ADH4: variants seen among roughly 807,000 people sequenced by gnomAD.
ADH4 encodes the protein alcohol dehydrogenase 4 (class II), pi polypeptide.
A neutral mutation model predicts 35.2 loss-of-function variants in ADH4; 31 were observed. The observed-to-expected ratio is 0.88, with a 90% confidence interval of 0.66 to 1.19. ADH4 has a LOEUF of 1.19. Ranked by LOEUF, ADH4 falls within the 50% of genes most tolerant of loss-of-function variation. The pLI is 0.00. For synonymous variants in ADH4, 171 were observed against 160.2 expected (o/e 1.07, Z -0.51); for missense variants, 476 against 458.3 (o/e 1.04, Z -0.35).
At position 99,130,050 on chromosome 4, in the gene ADH4, T is replaced by A. The variant is rs543609531; in HGVS notation, c.843+1454A>T. Among the ~76,000 whole-genome samples, 4 of 152,294 alleles carry A rather than the reference T, an allele frequency of 2.6e-5. No individual in the cohort carries two copies. In the East Asian group the frequency reaches 7.7e-4, roughly 29 times the overall value. ...ACATTTTACATTTTATCAAAATAATTCCCATGTTGTCTACATTAGGTTTTT... is the reference window on the plus strand; with the variant it reads ...ACATTTTACATTTTATCAAAATAATACCCATGTTGTCTACATTAGGTTTTT... On this transcript the variant is annotated intron_variant, in intron 6 of 8. Transcript: ENST00000265512.
At chr4:99,136,406 C>A (rs1729431959) in intron 5 of ADH4, 60 bp downstream of exon 5, 7 of 1,384,476 alleles carry the variant, frequency 5.1e-6, no homozygotes, top group Non-Finnish European at 6.1e-6. Flanking sequence ...TCTAGTTCAT[C>A]TGTATCACAC....
At chr4:99,131,124 T>C (rs1304994558) in intron 6 of ADH4, among the ~76,000 whole-genome samples, 1 of 152,080 alleles carries the variant, frequency 6.6e-6, no homozygotes, top group African/African-American at 2.4e-5. Context: ...ACCCCTAAAA[T>C]TGTCTCCAAG....
At chr4:99,131,443 C>G (rs567591635) in intron 6 of ADH4, 61 bp downstream of exon 6, 8 of 1,541,546 alleles carry the variant, frequency 5.2e-6, no homozygotes, top group Non-Finnish European at 7.1e-6. Context: ...TCCACTTTCC[C>G]CTATTATTTG....
intron 1 of ADH4, 117 bp from the exon 2 acceptor site, chr4:99,142,897 G>A (rs1209884490): frequency 1.5e-6 from 1 of 645,424 alleles, no homozygotes; most frequent in African/African-American, 1.8e-5. Flanking sequence ...GTAATTTCAT[G>A]ACAAAGAGTT....
chr4:99,126,130 C>T (rs1461461108), intron 8 of ADH4, among the ~76,000 whole-genome samples: 1 of 152,140 alleles, frequency 6.6e-6, no homozygotes, highest in Non-Finnish European at 1.5e-5. Context: ...CATGACAAAG[C>T]AAGAGAATGA....
chr4:99,132,612 A>AGTC (rs1248998388), intron 5 of ADH4, among the ~76,000 whole-genome samples: 1 of 152,186 alleles, frequency 6.6e-6, no homozygotes, highest in Non-Finnish European at 1.5e-5. Context: ...CTGTATATTG[A>AGTC]GTCTTTAATA....
intron 1 of ADH4, chr4:99,143,357 G>A: frequency 5.3e-6 from 3 of 564,810 alleles, no homozygotes; most frequent in Non-Finnish European, 6.4e-6. Flanking sequence ...GAGAAATGAG[G>A]CTTACATCAT....
intron 6 of ADH4, among the ~76,000 whole-genome samples, chr4:99,127,787 A>C (rs959178770): frequency 3.2e-4 from 48 of 151,638 alleles, no homozygotes; most frequent in Non-Finnish European, 5.9e-4. Context: ...AGCCGAGACC[A>C]CACCACTGCA....
chr4:99,138,848 G>A (rs1302543257), intron 4 of ADH4, among the ~76,000 whole-genome samples: 1 of 152,116 alleles, frequency 6.6e-6, no homozygotes, highest in Non-Finnish European at 1.5e-5. Flanking sequence ...CATTTGTGCT[G>A]TTTTAAATTG....
intron 4 of ADH4, among the ~76,000 whole-genome samples, chr4:99,138,221 T>C (rs1194189698): frequency 1.3e-5 from 2 of 152,216 alleles, no homozygotes; most frequent in Non-Finnish European, 2.9e-5. Flanking sequence ...AAATCCATTA[T>C]TTCATTAAAG....
chr4:99,135,293 G>A (rs896082182), intron 5 of ADH4, among the ~76,000 whole-genome samples: 2 of 152,048 alleles, frequency 1.3e-5, no homozygotes, highest in African/African-American at 4.8e-5. Flanking sequence ...GCCAGGCATC[G>A]TGGTGCATGC....
intron 1 of ADH4, chr4:99,143,102 T>G (rs773338771): frequency 2.9e-6 from 2 of 699,878 alleles, no homozygotes; most frequent in South Asian, 3.0e-5. Context: ...TTATGGAGTT[T>G]GAATAAGGTA....
intron 6 of ADH4, among the ~76,000 whole-genome samples, chr4:99,130,518 A>G (rs1284842536): frequency 6.6e-6 from 1 of 152,212 alleles, no homozygotes; most frequent in Admixed American, 6.6e-5. Flanking sequence ...TCCTAGCTAT[A>G]GAAACTTTTG....
At chr4:99,141,799 A>G in intron 2 of ADH4, 117 bp from the exon 3 acceptor site, 2 of 923,540 alleles carry the variant, frequency 2.2e-6, no homozygotes, top group South Asian at 3.4e-5. Context: ...CTAGAACTCA[A>G]TAAAAGAATC....
chr4:99,135,785 G>A (rs572203124), intron 5 of ADH4, among the ~76,000 whole-genome samples: 7 of 152,284 alleles, frequency 4.6e-5, no homozygotes, highest in South Asian at 4.1e-4. Context: ...TGCATTTTGC[G>A]GTTTTGAGTC....
intron 5 of ADH4, among the ~76,000 whole-genome samples, chr4:99,132,935 A>G (rs1279713447): frequency 1.3e-5 from 2 of 152,174 alleles, no homozygotes; most frequent in Non-Finnish European, 2.9e-5. Flanking sequence ...TTTGCTACTC[A>G]GAGGAAATAA....
intron 6 of ADH4, among the ~76,000 whole-genome samples, chr4:99,130,268 A>C (rs1579394865): frequency 6.6e-6 from 1 of 152,340 alleles, no homozygotes; most frequent in East Asian, 1.9e-4. Flanking sequence ...TTCTAAATTA[A>C]GTCTCTGACT....
At chr4:99,140,535 C>T (rs1486562983) in intron 3 of ADH4, among the ~76,000 whole-genome samples, 1 of 151,756 alleles carries the variant, frequency 6.6e-6, no homozygotes, top group Non-Finnish European at 1.5e-5. Flanking sequence ...GATCGTGCCA[C>T]AGCACTCCAG....
At chr4:99,134,332 A>G (rs1729371872) in intron 5 of ADH4, among the ~76,000 whole-genome samples, 1 of 152,220 alleles carries the variant, frequency 6.6e-6, no homozygotes, top group African/African-American at 2.4e-5. Context: ...AAAGATAAGT[A>G]TATGAAGTGA....
Sources: allele counts gnomAD v4.1 joint callset (sites outside exome capture counted in the v4.1 genomes callset), GRCh38; gene constraint gnomAD v4.1.1; transcripts MANE v1.5; gene names NCBI Gene and HGNC (gene_info 2026-07-23, HGNC 2026-07-21).